The following KHDRBS2 variants were observed in gnomAD, a reference collection of about 807,000 sequenced individuals.
KHDRBS2 encodes the protein KH RNA binding domain containing, signal transduction associated 2, also known as KH domain-containing, RNA-binding, signal transduction-associated protein 2.
KHDRBS2 carries 26 observed loss-of-function variants against 44.3 expected under a neutral mutation model. The ratio of observed to expected loss-of-function variants is 0.59; its 90% CI spans 0.43 to 0.81. The LOEUF (loss-of-function observed/expected upper bound fraction) is 0.81. KHDRBS2 is among the 40% of genes least tolerant of loss of function. The pLI is 0.00. For synonymous variants in KHDRBS2, 194 were observed against 151.1 expected (o/e 1.28, Z -2.08); for missense variants, 476 against 433.1 (o/e 1.10, Z -0.88).
chr6:61,869,133 CT>C (rs1798226373), intron 6 of KHDRBS2, among the ~76,000 whole-genome samples: 1 of 152,130 alleles, frequency 6.6e-6, no homozygotes, highest in African/African-American at 2.4e-5. Flanking sequence ...CCCTGCCCTG[CT>C]TTTCTCCATA....
chr6:61,856,859 A>G (rs867483888), intron 6 of KHDRBS2, among the ~76,000 whole-genome samples: 4 of 152,038 alleles, frequency 2.6e-5, no homozygotes, highest in Non-Finnish European at 5.9e-5. Context: ...GGCCAGATAT[A>G]TGCAGTAGTT....
intron 3 of KHDRBS2, among the ~76,000 whole-genome samples, chr6:61,980,450 T>C (rs1773600542): frequency 6.6e-6 from 1 of 152,180 alleles, no homozygotes; most frequent in South Asian, 2.1e-4. Flanking sequence ...GAAATAACTC[T>C]TATATTGCAT....
chr6:61,699,933 T>A (rs1768388820), intron 7 of KHDRBS2, among the ~76,000 whole-genome samples: 1 of 151,998 alleles, frequency 6.6e-6, no homozygotes, highest in South Asian at 2.1e-4. Context: ...AGAAGGCTAA[T>A]GGCATTGGCT....
rs1024715285 is a variant in KHDRBS2, at chr6:61,948,647, A to G, written c.483+29419T>C. Among the ~76,000 whole-genome samples the G allele has an allele frequency of 8.3e-4, 100 of 120,686 alleles. 1 individual carries two copies. The highest frequency in any genetic ancestry group is 3.0e-3 in the African/African-American group (96 of 32,156). 79.2% of individuals were successfully genotyped at this position (120,686 alleles called of 152,430 possible). On this transcript the variant is annotated intron_variant, in intron 4 of 8. Transcript: ENST00000281156. Reference sequence around the variant, plus strand: ...AAATAATTGTGTTGATAAGCACTATATTCTCACATTATTATTATTATTATT... The same window carrying G: ...AAATAATTGTGTTGATAAGCACTATGTTCTCACATTATTATTATTATTATT...
Position 61,888,240 on chromosome 6 carries a change from G to A in KHDRBS2, c.810+6395C>T, listed in dbSNP as rs574251284. 2.0e-3 allele frequency among the ~76,000 whole-genome samples: 300 copies of A among 152,212 alleles called. 2 individuals carry two copies. The highest frequency in any genetic ancestry group is 7.1e-3 in the African/African-American group (294 of 41,542). On this transcript the variant is annotated intron_variant, in intron 6 of 8. Transcript: ENST00000281156. ...CTTTGCCATTGGTGGCTGATGAGTG[G>A]TAGATCCCAGACCTAATTTCAGTTG... is the stretch of plus-strand genomic sequence containing the variant.
At chr6:61,770,634 G>T (rs1214751806) in intron 6 of KHDRBS2, among the ~76,000 whole-genome samples, 1 of 152,052 alleles carries the variant, frequency 6.6e-6, no homozygotes, top group African/African-American at 2.4e-5. Context: ...GAAGTTTAGG[G>T]GAAAAAGAAT....
intron 3 of KHDRBS2, among the ~76,000 whole-genome samples, chr6:62,016,835 C>T (rs1781300955): frequency 1.3e-5 from 2 of 151,870 alleles, no homozygotes; most frequent in Admixed American, 6.6e-5. Flanking sequence ...CATGCTATAA[C>T]ATTACTTCTT....
intron 7 of KHDRBS2, among the ~76,000 whole-genome samples, chr6:61,714,997 A>G (rs1332308693): frequency 6.6e-6 from 1 of 151,888 alleles, no homozygotes; most frequent in Non-Finnish European, 1.5e-5. Flanking sequence ...ACTTCAATCT[A>G]TGCATAGAAG....
At chr6:61,900,795 A>C (rs184237766) in intron 5 of KHDRBS2, among the ~76,000 whole-genome samples, 1 of 152,278 alleles carries the variant, frequency 6.6e-6, no homozygotes, top group African/African-American at 2.4e-5. Context: ...AAAGCACAGA[A>C]AAAGTTTATA....
At chr6:62,080,640 G>C (rs920050960) in intron 2 of KHDRBS2, among the ~76,000 whole-genome samples, 3 of 152,058 alleles carry the variant, frequency 2.0e-5, no homozygotes, top group African/African-American at 7.2e-5. Flanking sequence ...TATTGTTCTA[G>C]ATCATCTCAA....
intron 3 of KHDRBS2, among the ~76,000 whole-genome samples, chr6:62,003,320 A>G (rs1778614547): frequency 6.6e-6 from 1 of 152,044 alleles, no homozygotes; most frequent in African/African-American, 2.4e-5. Context: ...AAATAAAATA[A>G]CATTTGTACC....
intron 6 of KHDRBS2, among the ~76,000 whole-genome samples, chr6:61,880,632 A>G (rs1490391115): frequency 6.6e-6 from 1 of 151,922 alleles, no homozygotes; most frequent in Non-Finnish European, 1.5e-5. Flanking sequence ...CTGGTTTCAA[A>G]TATATAAGGG....
chr6:61,579,760 T>G, the KHDRBS2 span, among the ~76,000 whole-genome samples: 4 of 152,156 alleles, frequency 2.6e-5, no homozygotes, highest in South Asian at 8.3e-4. Flanking sequence ...CTCCAAAGAT[T>G]GAAATGTGAA....
rs371098323 is a variant in KHDRBS2, at chr6:62,247,846, T to TATTA, written c.91+38011_91+38012insTAAT. Among the ~76,000 whole-genome samples, 382 of 152,250 alleles carry TATTA rather than the reference T, an allele frequency of 2.5e-3. 3 individuals carry two copies. Among genetic ancestry groups the TATTA allele is most frequent in the African/African-American group, 8.4e-3 (350 of 41,574 alleles). ...TGTCAAAGAAAAGGCCATAGGTAGGTATTTTCTATTCAAGGAACTCCCCAG... is the reference window on the plus strand; with the variant it reads ...TGTCAAAGAAAAGGCCATAGGTAGGTATTAATTTTCTATTCAAGGAACTCCCCAG... On this transcript the variant is annotated intron_variant, in intron 1 of 8. Coordinates refer to ENST00000281156, the MANE Select transcript of KHDRBS2 (RefSeq NM_152688.4).
At chr6:61,873,260 T>C (rs1798923347) in intron 6 of KHDRBS2, among the ~76,000 whole-genome samples, 1 of 151,948 alleles carries the variant, frequency 6.6e-6, no homozygotes, top group Admixed American at 6.6e-5. Flanking sequence ...TTTTTAAAAA[T>C]ATATAAATGG....
chr6:62,257,045 T>C (rs1204632240), intron 1 of KHDRBS2, among the ~76,000 whole-genome samples: 1 of 152,074 alleles, frequency 6.6e-6, no homozygotes, highest in Non-Finnish European at 1.5e-5. Flanking sequence ...CTAAACATAT[T>C]AGGTCAAATG....
intron 6 of KHDRBS2, among the ~76,000 whole-genome samples, chr6:61,758,760 G>T (rs565383001): frequency 1.3e-5 from 2 of 151,956 alleles, no homozygotes; most frequent in African/African-American, 4.8e-5. Context: ...TCTATAAAAC[G>T]AAAATAATAA....
At chr6:62,123,289 AG>A (rs1808143903) in intron 2 of KHDRBS2, among the ~76,000 whole-genome samples, 1 of 152,164 alleles carries the variant, frequency 6.6e-6, no homozygotes, top group Admixed American at 6.5e-5. Flanking sequence ...TTCTTAATCC[AG>A]TCTATCATTG....
chr6:61,954,796 A>AC, intron 4 of KHDRBS2, among the ~76,000 whole-genome samples: 1 of 95,540 alleles, frequency 1.0e-5, no homozygotes, highest in African/African-American at 4.3e-5. Flanking sequence ...ACACATGCAT[A>AC]TGTATGTATA....
Sources: allele counts gnomAD v4.1 joint callset (sites outside exome capture counted in the v4.1 genomes callset), GRCh38; gene constraint gnomAD v4.1.1; transcripts MANE v1.5; gene names NCBI Gene and HGNC (gene_info 2026-07-23, HGNC 2026-07-21).